Variants in KLRD1 observed in about 807,000 individuals in gnomAD.
The protein encoded by KLRD1 is killer cell lectin like receptor D1, also known as natural killer cells antigen CD94.
KLRD1 carries 21 observed loss-of-function variants against 22.6 expected under a neutral mutation model. That is an observed-to-expected ratio of 0.93 (90% CI 0.66 to 1.34). The LOEUF is 1.34. KLRD1 is among the 40% of genes most tolerant of loss of function. The pLI is 0.00. For missense variants in KLRD1, 183 were observed against 208.6 expected (o/e 0.88, Z 0.76); for synonymous variants, 59 against 71.1 (o/e 0.83, Z 0.85).
rs1432922470 is a variant in KLRD1, at chr12:10,327,393, T to C, written c.*12600T>C. 2 of 152,192 alleles carry C rather than the reference T, an allele frequency of 1.3e-5. No individual in the cohort carries two copies. Among genetic ancestry groups the C allele is most frequent in the Non-Finnish European group, 2.9e-5 (2 of 68,022 alleles). 9.4% of individuals were successfully genotyped at this position (152,192 alleles called of 1,614,324 possible). A position where few individuals can be genotyped will look rare whatever the true frequency, so the allele number is the denominator to read the frequency against. On this transcript the variant is annotated 3_prime_UTR_variant, in exon 6 of 6. Transcript: ENST00000336164. ...CTATTCAGGGCTTTTTGTGGTTCCA[T>C]GTATATTTTAGTATCATTGTTTTCC...
At chr12:10,258,822 G>A (rs1592033412) in intron 1 of KLRD1, among the ~76,000 whole-genome samples, 1 of 152,246 alleles carries the variant, frequency 6.6e-6, no homozygotes, top group South Asian at 2.1e-4. Flanking sequence ...AATGCATATG[G>A]CTATCTTTCA....
chr12:10,267,341 C>T (rs1949510032), intron 1 of KLRD1, among the ~76,000 whole-genome samples: 1 of 152,078 alleles, frequency 6.6e-6, no homozygotes, highest in Admixed American at 6.6e-5. Flanking sequence ...TAATGACCTT[C>T]TTTATGCCTT....
intron 5 of KLRD1, among the ~76,000 whole-genome samples, chr12:10,314,434 C>T (rs1950174121): frequency 6.6e-6 from 1 of 151,796 alleles, no homozygotes; most frequent in African/African-American, 2.4e-5. Flanking sequence ...TTAATGACAA[C>T]AGAAAAACAG....
chr12:10,308,302 G>GC, intron 1 of KLRD1: 1 of 539,916 alleles, frequency 1.9e-6, no homozygotes, highest in Non-Finnish European at 3.3e-6. Context: ...CAGGTTTGAA[G>GC]AGTGGTTTCT....
At chr12:10,279,441 G>A (rs913343023) in intron 1 of KLRD1, among the ~76,000 whole-genome samples, 5 of 152,026 alleles carry the variant, frequency 3.3e-5, no homozygotes, top group African/African-American at 4.8e-5. Flanking sequence ...GCCTGAATGT[G>A]TTTTCTGGAA....
intron 1 of KLRD1, among the ~76,000 whole-genome samples, chr12:10,267,882 A>AACT (rs1949514201): frequency 6.6e-6 from 1 of 152,202 alleles, no homozygotes. Context: ...ACATTCAATG[A>AACT]ACTAAAAGAC....
chr12:10,243,082 A>G (rs1321604814), intron 1 of KLRD1, among the ~76,000 whole-genome samples: 1 of 152,088 alleles, frequency 6.6e-6, no homozygotes, highest in Non-Finnish European at 1.5e-5. Flanking sequence ...AAAAAAGTCA[A>G]ACTTCTAGAA....
chr12:10,243,170 T>C (rs1356155758), intron 1 of KLRD1, among the ~76,000 whole-genome samples: 1 of 152,094 alleles, frequency 6.6e-6, no homozygotes. Flanking sequence ...GTTTAGGCAA[T>C]GGGAATAAGC....
chr12:10,256,077 T>A (rs746908549), intron 1 of KLRD1, among the ~76,000 whole-genome samples: 1 of 152,066 alleles, frequency 6.6e-6, no homozygotes, highest in Non-Finnish European at 1.5e-5. Context: ...TATATGATAT[T>A]CTTTGTCTTT....
At chr12:10,246,521 C>G (rs1013245363) in intron 1 of KLRD1, among the ~76,000 whole-genome samples, 5 of 152,034 alleles carry the variant, frequency 3.3e-5, no homozygotes, top group Admixed American at 2.0e-4. Flanking sequence ...TGATTTGTGA[C>G]CTGTCTGAGA....
chr12:10,283,379 A>T (rs1949665167), intron 1 of KLRD1, among the ~76,000 whole-genome samples: 1 of 152,220 alleles, frequency 6.6e-6, no homozygotes, highest in Non-Finnish European at 1.5e-5. Flanking sequence ...AGGGACAGTG[A>T]GGAGCGGAGA....
At chr12:10,310,343 C>T (rs1950031780) in intron 3 of KLRD1, among the ~76,000 whole-genome samples, 1 of 152,194 alleles carries the variant, frequency 6.6e-6, no homozygotes, top group African/African-American at 2.4e-5. Flanking sequence ...TGGTCTCGAA[C>T]TCCTGACCTC....
chr12:10,239,486 T>TTCCTTCC (rs1949217647), intron 1 of KLRD1, among the ~76,000 whole-genome samples: 1 of 117,916 alleles, frequency 8.5e-6, no homozygotes, highest in Non-Finnish European at 1.6e-5. Flanking sequence ...TCCTTCCTTC[T>TTCCTTCC]TCCTTCCTTC....
At chr12:10,304,961 C>T (rs762551478), upstream of KLRD1, among the ~76,000 whole-genome samples, 5 of 152,088 alleles carry the variant, frequency 3.3e-5, no homozygotes, top group African/African-American at 7.2e-5. Context: ...ATTTTCTTTC[C>T]GCTCAAAGAA....
upstream of KLRD1, among the ~76,000 whole-genome samples, chr12:10,299,903 CACTT>C (rs1949852946): frequency 6.6e-6 from 1 of 152,176 alleles, no homozygotes; most frequent in Admixed American, 6.5e-5. Flanking sequence ...TCCCAAGAAA[CACTT>C]TCTTTGCTTA....
chr12:10,274,015 G>C (rs147045484), intron 1 of KLRD1, among the ~76,000 whole-genome samples: 5,210 of 152,232 alleles, frequency 0.034, 306 homozygotes, highest in African/African-American at 0.12. Context: ...AGGCATGGTG[G>C]CTCATGCTTG....
intron 1 of KLRD1, among the ~76,000 whole-genome samples, chr12:10,271,719 A>C (rs1347058230): frequency 2.0e-5 from 3 of 152,334 alleles, no homozygotes; most frequent in Admixed American, 1.3e-4. Flanking sequence ...ATATGTATAT[A>C]CACATACTTA....
Position 10,328,543 on chromosome 12 carries a change from T to C in KLRD1, c.*13750T>C, listed in dbSNP as rs1348938222. On this transcript the variant is annotated 3_prime_UTR_variant, in exon 6 of 6. Coordinates refer to ENST00000336164, the MANE Select transcript of KLRD1 (RefSeq NM_002262.5). ...ATTTATTTAAGGCCTCTCTTCTTTT[T>C]CTTAGTCTAGCTAAAGGTTTGTCAA... 6.6e-6 allele frequency: 1 copy of C among 152,206 alleles called. No individual in the cohort carries two copies. Among genetic ancestry groups the C allele is most frequent in the Non-Finnish European group, 1.5e-5 (1 of 68,018 alleles). 9.4% of individuals were successfully genotyped at this position (152,206 alleles called of 1,614,324 possible). A position where few individuals can be genotyped will look rare whatever the true frequency, so the allele number is the denominator to read the frequency against.
At chr12:10,281,674 C>A (rs1288296661) in intron 1 of KLRD1, among the ~76,000 whole-genome samples, 1 of 151,866 alleles carries the variant, frequency 6.6e-6, no homozygotes, top group African/African-American at 2.4e-5. Context: ...TCAGTTGGAG[C>A]CAAAGGAAAA....
Sources: allele counts gnomAD v4.1 joint callset (sites outside exome capture counted in the v4.1 genomes callset), GRCh38; gene constraint gnomAD v4.1.1; transcripts MANE v1.5; gene names NCBI Gene and HGNC (gene_info 2026-07-23, HGNC 2026-07-21).